ODAD2: variants seen among roughly 807,000 people sequenced by gnomAD.
ODAD2 encodes outer dynein arm-docking complex subunit 2.
Under a neutral mutation model 106.8 loss-of-function variants are expected in ODAD2, and 89 were observed. That is an observed-to-expected ratio of 0.83 (90% CI 0.70 to 0.99). The LOEUF (loss-of-function observed/expected upper bound fraction) is 0.99, where lower values mean the gene tolerates loss of function less well. ODAD2 is among the 50% of genes least tolerant of loss of function. The pLI is 0.00. For missense variants in ODAD2, 1,168 were observed against 1,238.5 expected (o/e 0.94, Z 0.85); for synonymous variants, 404 against 436.2 (o/e 0.93, Z 0.92).
intron 16 of ODAD2, among the ~76,000 whole-genome samples, chr10:27,924,310 G>A (rs568698704): frequency 6.3e-4 from 96 of 151,678 alleles, no homozygotes; most frequent in African/African-American, 2.3e-3. Context: ...GGAATACAAA[G>A]TGAAATTAAG....
chr10:27,962,596 A>G (rs1302141764), intron 9 of ODAD2, among the ~76,000 whole-genome samples: 1 of 152,224 alleles, frequency 6.6e-6, no homozygotes. Flanking sequence ...TTAACCACCA[A>G]CTCTGAGAGA....
At chr10:27,897,882 C>A (rs1008129641) in intron 17 of ODAD2, among the ~76,000 whole-genome samples, 2 of 151,870 alleles carry the variant, frequency 1.3e-5, no homozygotes, top group Non-Finnish European at 2.9e-5. Flanking sequence ...CTAGTTTAGA[C>A]CTTGGGGCCA....
intron 2 of ODAD2, among the ~76,000 whole-genome samples, chr10:27,987,898 C>G (rs953917854): frequency 6.6e-6 from 1 of 150,528 alleles, no homozygotes; most frequent in African/African-American, 2.5e-5. Flanking sequence ...TCTGCAAAAC[C>G]CTTCATGCTT....
At chr10:27,871,631 A>G (rs1220529235) in intron 17 of ODAD2, among the ~76,000 whole-genome samples, 3 of 151,942 alleles carry the variant, frequency 2.0e-5, no homozygotes, top group Non-Finnish European at 2.9e-5. Context: ...CCCATTTCCT[A>G]TTTTTGTCAG....
intron 17 of ODAD2, among the ~76,000 whole-genome samples, chr10:27,885,691 A>G (rs1375289084): frequency 3.7e-5 from 2 of 53,692 alleles, no homozygotes; most frequent in African/African-American, 1.3e-4. Context: ...AATATATAAT[A>G]TATAATATAT....
At chr10:27,872,601 C>T (rs1840984962) in intron 17 of ODAD2, among the ~76,000 whole-genome samples, 1 of 152,150 alleles carries the variant, frequency 6.6e-6, no homozygotes, top group African/African-American at 2.4e-5. Flanking sequence ...TTTCCTGCAT[C>T]CATTGAGATA....
chr10:27,936,767 C>T lies in ODAD2; in HGVS notation c.2211G>A (p.Gly737=). The T allele has an allele frequency of 6.2e-7, 1 of 1,613,938 alleles. No individual in the cohort carries two copies. The highest frequency in any genetic ancestry group is 8.5e-7 in the Non-Finnish European group (1 of 1,179,930). Residue 737 remains glycine, a synonymous_variant, in exon 15 of 20, where the codon GGG becomes GGA. Transcript: ENST00000305242. ...TGCTGATGGAACATTTCCATATAGC[C>T]CCTGTGACAGCAGCTAACCGCTCTT... ...DNKERLAAVT[G]AIWKCSISKE...
chr10:27,896,856 T>A (rs144927982), intron 17 of ODAD2, among the ~76,000 whole-genome samples: 191 of 152,300 alleles, frequency 1.3e-3, no homozygotes, highest in African/African-American at 4.4e-3. Flanking sequence ...CTTCTGGATT[T>A]CATACTAGCC....
intron 17 of ODAD2, among the ~76,000 whole-genome samples, chr10:27,875,653 C>T (rs1319274295): frequency 1.3e-5 from 2 of 152,264 alleles, no homozygotes; most frequent in Non-Finnish European, 2.9e-5. Flanking sequence ...GCATTTCCAA[C>T]TGAGGTACCA....
At chr10:27,973,939 C>T (rs1191478707) in intron 7 of ODAD2, among the ~76,000 whole-genome samples, 1 of 152,166 alleles carries the variant, frequency 6.6e-6, no homozygotes, top group Non-Finnish European at 1.5e-5. Flanking sequence ...ACTTCACCAG[C>T]ATTTGCTATA....
chr10:27,861,926 C>T (rs1031556695), intron 18 of ODAD2, among the ~76,000 whole-genome samples: 2 of 152,172 alleles, frequency 1.3e-5, no homozygotes, highest in Non-Finnish European at 2.9e-5. Flanking sequence ...CCAAGCTATG[C>T]TCAAATACCT....
intron 19 of ODAD2, among the ~76,000 whole-genome samples, chr10:27,840,006 T>C (rs1222959017): frequency 2.0e-5 from 3 of 152,192 alleles, no homozygotes; most frequent in Non-Finnish European, 4.4e-5. Flanking sequence ...TAATTACCTT[T>C]CACATTAATA....
At chr10:27,915,047 TC>T (rs1388164124) in intron 16 of ODAD2, among the ~76,000 whole-genome samples, 1 of 151,792 alleles carries the variant, frequency 6.6e-6, no homozygotes, top group Non-Finnish European at 1.5e-5. Flanking sequence ...ATCACAATCT[TC>T]CCCCAAATTG....
intron 19 of ODAD2, among the ~76,000 whole-genome samples, chr10:27,860,287 A>G (rs1001243882): frequency 3.9e-5 from 6 of 152,004 alleles, no homozygotes; most frequent in Non-Finnish European, 8.8e-5. Flanking sequence ...CCCTGTCTGT[A>G]TACAAAATTA....
At chr10:27,939,693 G>A (rs1846247041) in intron 14 of ODAD2, among the ~76,000 whole-genome samples, 1 of 151,874 alleles carries the variant, frequency 6.6e-6, no homozygotes, top group Non-Finnish European at 1.5e-5. Flanking sequence ...AGCTATGATT[G>A]TGCCATTGCC....
chr10:27,920,183 T>A (rs1366063571), intron 16 of ODAD2, among the ~76,000 whole-genome samples: 1 of 152,246 alleles, frequency 6.6e-6, no homozygotes, highest in Non-Finnish European at 1.5e-5. Context: ...ATAATGACCA[T>A]ATTCTATTTC....
At chr10:27,885,165 T>C (rs1033429287) in intron 17 of ODAD2, among the ~76,000 whole-genome samples, 1 of 151,320 alleles carries the variant, frequency 6.6e-6, no homozygotes, top group African/African-American at 2.4e-5. Context: ...CACAAATAAT[T>C]AAAATAAATA....
At chr10:27,929,541 A>T (rs1845471809) in intron 16 of ODAD2, among the ~76,000 whole-genome samples, 1 of 152,136 alleles carries the variant, frequency 6.6e-6, no homozygotes, top group South Asian at 2.1e-4. Context: ...TTTTAGCCAT[A>T]GTTTTACTAT....
chr10:27,930,441 G>A (rs997910513), intron 16 of ODAD2, among the ~76,000 whole-genome samples: 1 of 151,986 alleles, frequency 6.6e-6, no homozygotes, highest in African/African-American at 2.4e-5. Context: ...TTGAGCCCAA[G>A]CATTCAAGGC....
Sources: gnomAD v4.1 joint callset for allele counts (sites outside exome capture counted in the v4.1 genomes callset) on GRCh38, gnomAD v4.1.1 for gene constraint, MANE v1.5 for transcripts, NCBI Gene and HGNC (gene_info 2026-07-23, HGNC 2026-07-21) for gene names.